Variants in CLTCL1 observed in about 807,000 individuals in gnomAD.
CLTCL1 encodes the protein clathrin heavy chain like 1.
A neutral mutation model predicts 190.0 loss-of-function variants in CLTCL1; 159 were observed. The observed-to-expected ratio is 0.84, with a 90% CI of 0.74 to 0.95. The LOEUF (loss-of-function observed/expected upper bound fraction) is 0.95. Ranked by LOEUF, CLTCL1 falls within the 40% of genes least tolerant of loss-of-function variation. The probability of loss-of-function intolerance (pLI) is 0.00; values close to 1 mark genes in which losing one functional copy is unlikely to be tolerated. For missense variants in CLTCL1, 1,878 were observed against 2,033.4 expected, an observed-to-expected ratio of 0.92 and a Z score of 1.47; for synonymous variants, 752 against 769.6, an observed-to-expected ratio of 0.98 and a Z score of 0.38.
chr22:19,244,412 T>G (rs1555967095), intron 3 of CLTCL1, among the ~76,000 whole-genome samples: 1 of 152,072 alleles, frequency 6.6e-6, no homozygotes, highest in Non-Finnish European at 1.5e-5. Flanking sequence ...GAAAATAGAT[T>G]AGTGGTTGCC....
At chr22:19,281,114 C>A (rs2087696532) in intron 1 of CLTCL1, among the ~76,000 whole-genome samples, 1 of 149,582 alleles carries the variant, frequency 6.7e-6, no homozygotes, top group Non-Finnish European at 1.5e-5. Context: ...CACAGTGAAA[C>A]CCTGTCTCTA....
chr22:19,266,074 A>G (rs2087115212), intron 2 of CLTCL1, among the ~76,000 whole-genome samples: 1 of 145,438 alleles, frequency 6.9e-6, no homozygotes, highest in Admixed American at 7.2e-5. Flanking sequence ...GTAGAGATGG[A>G]GTCTCCCTAT....
rs1039733407 is a variant in CLTCL1 at position 19,183,889 on chromosome 22, A to G, written c.4606-278T>C. Reference sequence around the variant, plus strand: ...CTAGCCCCGAGGGCAGAGGGCGTGCACAGGCTGCTCTGAGGAAGGCACTGA... The same window carrying G: ...CTAGCCCCGAGGGCAGAGGGCGTGCGCAGGCTGCTCTGAGGAAGGCACTGA... On this transcript the variant is annotated intron_variant, in intron 29 of 32. Coordinates refer to ENST00000427926, the MANE Select transcript of CLTCL1 (RefSeq NM_007098.4). 104 of 481,614 alleles carry G rather than the reference A, an allele frequency of 2.2e-4. No homozygotes were observed. In the East Asian group the frequency reaches 4.0e-3, roughly 18 times the overall value. 29.8% of individuals were successfully genotyped at this position (481,614 alleles called of 1,614,324 possible).
intron 3 of CLTCL1, among the ~76,000 whole-genome samples, chr22:19,246,927 A>T (rs984857884): frequency 3.9e-5 from 6 of 152,158 alleles, no homozygotes; most frequent in Non-Finnish European, 8.8e-5. Context: ...TGATTTTCAA[A>T]TATTACATCC....
At position 19,187,623 on chromosome 22, in the gene CLTCL1, G is replaced by A. The variant is rs547779543; in HGVS notation, c.4540C>T (p.Leu1514=). The change falls in exon 29 of 33, where the codon CTG becomes TTG. Residue 1514 remains leucine, a synonymous_variant. Transcript: ENST00000427926. ...GCCCACCAGTTATTGCCCTTGTACA[G>A]ATAGGCCGCAATGCACCTGAACTCC... ...LMEFRCIAAY[L]YKGNNWWAQS... 4.4e-5 allele frequency: 71 copies of A among 1,613,540 alleles called. No homozygotes were observed. Among genetic ancestry groups the A allele is most frequent in the Non-Finnish European group, 5.8e-5 (68 of 1,179,898 alleles).
intron 3 of CLTCL1, among the ~76,000 whole-genome samples, chr22:19,252,907 G>A (rs1237404821): frequency 1.3e-5 from 2 of 151,790 alleles, no homozygotes; most frequent in Non-Finnish European, 1.5e-5. Context: ...CCAGCTACTG[G>A]GGAGGCTGAG....
intron 3 of CLTCL1, among the ~76,000 whole-genome samples, chr22:19,244,568 C>T (rs2086358386): frequency 6.6e-6 from 1 of 152,134 alleles, no homozygotes; most frequent in East Asian, 1.9e-4. Flanking sequence ...GGAAGACTTC[C>T]AGCAACATGA....
rs554288129 is a variant in CLTCL1 at position 19,209,164 on chromosome 22, A to G, written c.3250-50T>C. 1.7e-3 allele frequency: 2,449 copies of G among 1,460,800 alleles called. 5 individuals carry two copies. The highest frequency in any genetic ancestry group is 2.2e-3 in the Non-Finnish European group (2,377 of 1,092,004). 90.5% of individuals were successfully genotyped at this position (1,460,800 alleles called of 1,614,324 possible). On this transcript the variant is annotated intron_variant, in intron 20 of 32. Coordinates refer to ENST00000427926, the MANE Select transcript of CLTCL1 (RefSeq NM_007098.4). ...TTCTCTGCAACATCTAGTCAGCTCC[A>G]AAAAACAGACACATTTTTGTTTGGT... is the stretch of plus-strand genomic sequence containing the variant.
intron 22 of CLTCL1, among the ~76,000 whole-genome samples, chr22:19,202,291 C>A (rs1463233905): frequency 2.0e-5 from 3 of 152,010 alleles, no homozygotes; most frequent in African/African-American, 7.3e-5. Context: ...CAGCAGAACC[C>A]CAAAGTGCTG....
chr22:19,213,772 G>A (rs1323578808), intron 19 of CLTCL1, among the ~76,000 whole-genome samples: 1 of 151,922 alleles, frequency 6.6e-6, no homozygotes, highest in Non-Finnish European at 1.5e-5. Flanking sequence ...TGGGGGTTGA[G>A]GTTTGGGGGA....
At chr22:19,258,800 G>A in intron 2 of CLTCL1, 1 of 683,164 alleles carries the variant, frequency 1.5e-6, no homozygotes, top group South Asian at 1.5e-5. Context: ...AAGTTCTGAG[G>A]AATTGAGCCA....
rs73377860 is a variant in CLTCL1 at position 19,237,990 on chromosome 22, A to G, written c.795+1285T>C. Among the ~76,000 whole-genome samples, 1,387 of 152,358 alleles carry G rather than the reference A, an allele frequency of 9.1e-3. 17 individuals carry two copies. The highest frequency in any genetic ancestry group is 0.032 in the African/African-American group (1,336 of 41,576). On this transcript the variant is annotated intron_variant, in intron 5 of 32. Coordinates refer to ENST00000427926, the MANE Select transcript of CLTCL1 (RefSeq NM_007098.4). ...AAAGGAGAGTAGATTATATAATCTT[A>G]CATATATAATGTGATGCCAATTTTG...
chr22:19,221,319 T>C, intron 17 of CLTCL1, 58 bp downstream of exon 17: 1 of 1,383,746 alleles, frequency 7.2e-7, no homozygotes, highest in Non-Finnish European at 9.8e-7. Context: ...GGCACACCTT[T>C]GAAAGCTTCC....
intron 3 of CLTCL1, among the ~76,000 whole-genome samples, chr22:19,253,141 T>C (rs191379852): frequency 6.6e-6 from 1 of 152,152 alleles, no homozygotes; most frequent in South Asian, 2.1e-4. Flanking sequence ...TCCCATAAAA[T>C]TAAATGCTTT....
At chr22:19,240,915 G>A (rs1336370126) in intron 4 of CLTCL1, among the ~76,000 whole-genome samples, 2 of 152,210 alleles carry the variant, frequency 1.3e-5, no homozygotes, top group Non-Finnish European at 2.9e-5. Flanking sequence ...ACTGTGTCCA[G>A]GCAAGCTCCG....
chr22:19,286,631 AT>A (rs2087917445), intron 1 of CLTCL1, among the ~76,000 whole-genome samples: 1 of 145,196 alleles, frequency 6.9e-6, no homozygotes, highest in African/African-American at 2.6e-5. Flanking sequence ...GTGTGTGTGG[AT>A]GGGAACTGTT....
At chr22:19,270,319 G>A (rs2087267311) in intron 2 of CLTCL1, among the ~76,000 whole-genome samples, 1 of 152,160 alleles carries the variant, frequency 6.6e-6, no homozygotes, top group African/African-American at 2.4e-5. Context: ...GGGAGTAGGA[G>A]TGAGAATGGT....
chr22:19,283,748 T>C (rs566629424), intron 1 of CLTCL1, among the ~76,000 whole-genome samples: 119 of 151,612 alleles, frequency 7.8e-4, no homozygotes, highest in African/African-American at 2.8e-3. Flanking sequence ...TCCCAGCACT[T>C]TGGGAGGCCG....
chr22:19,208,420 C>A, intron 21 of CLTCL1, 109 bp from the exon 22 acceptor site: 1 of 1,278,526 alleles, frequency 7.8e-7, no homozygotes. Context: ...CCAGTTATGT[C>A]TCACTGGGAA....
Sources: gnomAD v4.1 joint callset for allele counts (sites outside exome capture counted in the v4.1 genomes callset) on GRCh38, gnomAD v4.1.1 for gene constraint, MANE v1.5 for transcripts, NCBI Gene and HGNC (gene_info 2026-07-23, HGNC 2026-07-21) for gene names.